Variants in RFPL1 observed in about 807,000 individuals in gnomAD.
RFPL1 encodes ret finger protein-like 1.
A neutral mutation model predicts 9.6 loss-of-function variants in RFPL1; 6 were observed. The ratio of observed to expected loss-of-function variants is 0.62; its 90% CI spans 0.34 to 1.23. The LOEUF (loss-of-function observed/expected upper bound fraction) is 1.23. Among genes scored for constraint, RFPL1 ranks in the 50% most tolerant of loss-of-function variants. The pLI, the probability that RFPL1 is intolerant of heterozygous loss-of-function variation, is 0.03. For missense variants in RFPL1, 352 were observed against 398.4 expected (o/e 0.88, Z 0.99); for synonymous variants, 145 against 149.4 (o/e 0.97, Z 0.22).
chr22:29,441,665 C>T, exon 2 of RFPL1: 1 of 1,613,940 alleles, frequency 6.2e-7, no homozygotes. Flanking sequence ...TTTGACGTGT[C>T]CATTTGCATC....
the RFPL1 span, among the ~76,000 whole-genome samples, chr22:29,424,713 C>T: frequency 6.6e-6 from 1 of 151,164 alleles, no homozygotes; most frequent in Non-Finnish European, 1.5e-5. Context: ...CACCTGTAGT[C>T]CCATCTACTC....
the RFPL1 span, among the ~76,000 whole-genome samples, chr22:29,396,892 A>C: frequency 7.2e-6 from 1 of 138,464 alleles, no homozygotes; most frequent in Middle Eastern, 4.7e-3. Context: ...CCCAGCCTGA[A>C]ACTTCTTTTT....
chr22:29,391,456 G>A, the RFPL1 span, among the ~76,000 whole-genome samples: 2 of 152,126 alleles, frequency 1.3e-5, no homozygotes, highest in African/African-American at 2.4e-5. Context: ...AATGCCACCC[G>A]CCTCAGTGGA....
the RFPL1 span, among the ~76,000 whole-genome samples, chr22:29,401,709 A>G: frequency 2.0e-5 from 3 of 152,176 alleles, no homozygotes; most frequent in South Asian, 2.1e-4. Context: ...CACTGCTTTC[A>G]TAAAGCCCTC....
chr22:29,438,063 G>A (rs2062817242), upstream of RFPL1: 1 of 209,446 alleles, frequency 4.8e-6, no homozygotes, highest in East Asian at 1.9e-4. Context: ...TTGTAGAGAG[G>A]GGGTCTTCCT....
At chr22:29,439,347 A>T in intron 1 of RFPL1, 183 bp downstream of exon 1, 2 of 996,498 alleles carry the variant, frequency 2.0e-6, no homozygotes, top group Non-Finnish European at 2.9e-6. Context: ...TCCAAAAAAA[A>T]GGCTGGCTGG....
At chr22:29,437,623 T>A, upstream of RFPL1, 1 of 1,590,290 alleles carries the variant, frequency 6.3e-7, no homozygotes, top group Non-Finnish European at 8.6e-7. Flanking sequence ...CATGACCCAG[T>A]GGGAGGTGGG....
At chr22:29,391,929 AG>A in the RFPL1 span, among the ~76,000 whole-genome samples, 2 of 151,210 alleles carry the variant, frequency 1.3e-5, no homozygotes, top group African/African-American at 4.9e-5. Flanking sequence ...TTGCAGGGAG[AG>A]GGGGTGACAG....
upstream of RFPL1, chr22:29,434,322 A>G (rs2062798651): frequency 6.6e-6 from 1 of 152,272 alleles, no homozygotes; most frequent in Admixed American, 6.5e-5. Context: ...AAGAATGCTT[A>G]CTATGAACAA....
chr22:29,414,124 C>T, the RFPL1 span, among the ~76,000 whole-genome samples: 8 of 152,012 alleles, frequency 5.3e-5, no homozygotes, highest in East Asian at 1.5e-3. Flanking sequence ...CTTCGACATG[C>T]CTCAACTTTC....
the RFPL1 span, among the ~76,000 whole-genome samples, chr22:29,424,470 C>T: frequency 1.2e-4 from 16 of 129,138 alleles, no homozygotes; most frequent in Non-Finnish European, 1.2e-4. Flanking sequence ...TCCCATTTTA[C>T]AGAAAATGAG....
At chr22:29,398,593 A>G in the RFPL1 span, among the ~76,000 whole-genome samples, 1 of 152,192 alleles carries the variant, frequency 6.6e-6, no homozygotes, top group Non-Finnish European at 1.5e-5. Flanking sequence ...TGTGACCCTG[A>G]GCAAGTCACT....
At chr22:29,397,831 G>A in the RFPL1 span, among the ~76,000 whole-genome samples, 32 of 152,308 alleles carry the variant, frequency 2.1e-4, no homozygotes, top group Middle Eastern at 0.01. Flanking sequence ...CTGGGGCTGA[G>A]CTGGACTTCA....
At chr22:29,419,539 T>G in the RFPL1 span, among the ~76,000 whole-genome samples, 1 of 152,106 alleles carries the variant, frequency 6.6e-6, no homozygotes, top group Non-Finnish European at 1.5e-5. Flanking sequence ...GCACGGTGGC[T>G]CATGTCTGTA....
the RFPL1 span, among the ~76,000 whole-genome samples, chr22:29,430,517 A>G: frequency 1.3e-5 from 2 of 152,174 alleles, no homozygotes; most frequent in African/African-American, 4.8e-5. Context: ...TTAATACTGT[A>G]ACTAACAAAA....
chr22:29,393,941 T>C, the RFPL1 span, among the ~76,000 whole-genome samples: 46 of 152,228 alleles, frequency 3.0e-4, no homozygotes, highest in East Asian at 5.8e-3. Flanking sequence ...CCTCCCAAAG[T>C]GCTGGGATTA....
upstream of RFPL1, chr22:29,435,023 C>G (rs935283862): frequency 1.3e-5 from 2 of 152,184 alleles, no homozygotes; most frequent in African/African-American, 4.8e-5. Context: ...AGCCACAAAA[C>G]CATTTAGACA....
At chr22:29,418,154 T>A in the RFPL1 span, among the ~76,000 whole-genome samples, 2 of 152,058 alleles carry the variant, frequency 1.3e-5, no homozygotes, top group African/African-American at 4.8e-5. Context: ...GGTCTTGAAC[T>A]CCTGACCTTG....
the RFPL1 span, among the ~76,000 whole-genome samples, chr22:29,390,255 T>C: frequency 3.8e-4 from 58 of 152,346 alleles, no homozygotes; most frequent in South Asian, 6.8e-3. Flanking sequence ...TTTAATATTA[T>C]CAAAAAGTTG....
Sources: gnomAD v4.1 joint callset for allele counts (sites outside exome capture counted in the v4.1 genomes callset) on GRCh38, gnomAD v4.1.1 for gene constraint, MANE v1.5 for transcripts, NCBI Gene and HGNC (gene_info 2026-07-23, HGNC 2026-07-21) for gene names.